Variants in COLEC10 observed in about 807,000 individuals in gnomAD.
COLEC10 encodes collectin-10.
In COLEC10, 22 loss-of-function variants were observed where a neutral mutation model predicts 28.4. That is an observed-to-expected ratio of 0.78 (90% CI 0.55 to 1.11). COLEC10 has a LOEUF of 1.11. Among genes scored for constraint, COLEC10 ranks in the 50% least tolerant of loss-of-function variants. COLEC10 has a pLI of 0.00. For missense variants in COLEC10, 361 were observed against 344.1 expected (o/e 1.05, Z -0.39); for synonymous variants, 125 against 116.1 (o/e 1.08, Z -0.49).
intron 2 of COLEC10, among the ~76,000 whole-genome samples, chr8:119,021,620 C>T (rs929340580): frequency 6.6e-6 from 1 of 152,150 alleles, no homozygotes; most frequent in Non-Finnish European, 1.5e-5. Flanking sequence ...CTGAGCAACA[C>T]CACTTTTTGC....
intron 2 of COLEC10, among the ~76,000 whole-genome samples, chr8:119,043,484 C>T (rs539877436): frequency 1.3e-5 from 2 of 152,198 alleles, no homozygotes; most frequent in African/African-American, 4.8e-5. Context: ...GTATCCAAAA[C>T]TGTAGAGTTT....
intron 5 of COLEC10, among the ~76,000 whole-genome samples, chr8:119,105,320 T>C (rs1815914854): frequency 6.6e-6 from 1 of 152,152 alleles, no homozygotes. Context: ...GTGACTGCCA[T>C]GTCTATCCAA....
At chr8:119,069,831 T>C (rs944408746) in intron 1 of COLEC10, among the ~76,000 whole-genome samples, 6 of 151,530 alleles carry the variant, frequency 4.0e-5, no homozygotes, top group African/African-American at 2.4e-5. Flanking sequence ...TCAATATTTT[T>C]CCCCTAAGAT....
intron 2 of COLEC10, among the ~76,000 whole-genome samples, chr8:119,039,392 C>A (rs1428603516): frequency 6.6e-6 from 1 of 152,188 alleles, no homozygotes; most frequent in Non-Finnish European, 1.5e-5. Flanking sequence ...TTATTTAACT[C>A]TGTCTTCCTC....
upstream of COLEC10, among the ~76,000 whole-genome samples, chr8:119,064,193 AAAT>A (rs1814909550): frequency 6.6e-6 from 1 of 152,200 alleles, no homozygotes; most frequent in Non-Finnish European, 1.5e-5. Context: ...TTTTAAAATT[AAAT>A]AATGTTTTAT....
At chr8:119,032,725 C>G (rs1225733870) in intron 2 of COLEC10, among the ~76,000 whole-genome samples, 1 of 152,136 alleles carries the variant, frequency 6.6e-6, no homozygotes, top group African/African-American at 2.4e-5. Flanking sequence ...CACGGTGAAA[C>G]CCCATCTCTA....
In COLEC10 at chr8:119,014,509, G is replaced by C. The variant is rs1813954510; in HGVS notation, n.235+4956G>C. Among the ~76,000 whole-genome samples, 2 of 149,448 alleles carry C rather than the reference G, an allele frequency of 1.3e-5. 1 individual carries two copies. The stretch of plus-strand genomic sequence containing the variant: ...TCAAAATTTTTCTTCATCTTTTATT[G>C]TCTGAAGTTTGAATACAACATCCTA... On this transcript the variant is annotated intron_variant and non_coding_transcript_variant, in intron 2 of 6. Transcript: ENST00000521788.
rs996393542 is a variant in COLEC10 at position 119,061,053 on chromosome 8, CTG to C, written n.236-28626_236-28625del. On this transcript the variant is annotated intron_variant and non_coding_transcript_variant, in intron 2 of 6. Transcript: ENST00000521788. ...TATAAAGGAAGAAAAATTAGAAAGA[CTG>C]AGATATAATAGGTGCTCAATAAACA... is the stretch of plus-strand genomic sequence containing the variant. Among the ~76,000 whole-genome samples the C allele has an allele frequency of 5.1e-4, 78 of 152,006 alleles. 1 individual carries two copies. The highest frequency in any genetic ancestry group is 1.7e-3 in the African/African-American group (71 of 41,512).
intron 2 of COLEC10, among the ~76,000 whole-genome samples, chr8:119,040,573 T>C (rs989123935): frequency 2.6e-5 from 4 of 152,226 alleles, no homozygotes; most frequent in Non-Finnish European, 5.9e-5. Context: ...ATGGATATAC[T>C]GTGCTCTCCT....
chr8:119,098,909 G>A (rs551189902), intron 3 of COLEC10, among the ~76,000 whole-genome samples: 3 of 152,004 alleles, frequency 2.0e-5, no homozygotes, highest in South Asian at 4.2e-4. Context: ...CCTCATTTTG[G>A]TGATTGTCTT....
At chr8:118,984,170 C>T in the COLEC10 span, among the ~76,000 whole-genome samples, 2 of 151,580 alleles carry the variant, frequency 1.3e-5, no homozygotes, top group African/African-American at 4.9e-5. Context: ...AAAATGAGAT[C>T]ATGTCCTTTG....
intron 1 of COLEC10, among the ~76,000 whole-genome samples, chr8:119,000,477 G>A (rs1485304): frequency 0.011 from 1,609 of 152,172 alleles, 29 homozygotes; most frequent in African/African-American, 0.036. Flanking sequence ...GCACAGAGGA[G>A]CTTAATCAGG....
At chr8:119,011,459 G>A (rs886900361) in intron 2 of COLEC10, among the ~76,000 whole-genome samples, 2 of 136,730 alleles carry the variant, frequency 1.5e-5, no homozygotes, top group Admixed American at 7.4e-5. Context: ...GACTATACTT[G>A]GTCATTTGCC....
At chr8:119,086,390 G>T (rs76109865) in intron 1 of COLEC10, among the ~76,000 whole-genome samples, 29 of 101,232 alleles carry the variant, frequency 2.9e-4, no homozygotes, top group African/African-American at 8.7e-4. Flanking sequence ...GCGGGGAGGT[G>T]GGGGGGGTCC....
In COLEC10 at chr8:119,091,205, C is replaced by A; in HGVS notation, c.277C>A (p.Pro93Thr). 1 of 1,611,440 alleles carries A rather than the reference C, an allele frequency of 6.2e-7. No individual in the cohort carries two copies. Among genetic ancestry groups the A allele is most frequent in the Non-Finnish European group, 8.5e-7 (1 of 1,178,580 alleles). ...GDQGNIGKTGPIGKKGDKGEK... is the reference protein window; with the variant it reads ...GDQGNIGKTGTIGKKGDKGEK... ...TCAGGGCAATATTGGCAAGACTGGG[C>A]CCATTGGGAAGAAGGGTAAGTTGCA... is the stretch of plus-strand genomic sequence containing the variant. Residue 93 changes from proline to threonine, a missense_variant, in exon 3 of 6, where the codon CCC becomes ACC. Transcript: ENST00000332843.
the COLEC10 span, among the ~76,000 whole-genome samples, chr8:118,987,453 A>G: frequency 6.6e-6 from 1 of 152,194 alleles, no homozygotes; most frequent in African/African-American, 2.4e-5. Context: ...AATCCCAGCT[A>G]TTTGGGAGGC....
At chr8:118,970,758 CA>C in the COLEC10 span, among the ~76,000 whole-genome samples, 9 of 151,206 alleles carry the variant, frequency 6.0e-5, no homozygotes, top group African/African-American at 1.7e-4. Context: ...TTTGTCATAC[CA>C]ATAATGTAAT....
At chr8:119,044,085 G>A (rs1350623024) in intron 2 of COLEC10, among the ~76,000 whole-genome samples, 1 of 152,230 alleles carries the variant, frequency 6.6e-6, no homozygotes, top group East Asian at 1.9e-4. Flanking sequence ...AAGCTAGAGA[G>A]ACCACGTGTC....
intron 3 of COLEC10, among the ~76,000 whole-genome samples, chr8:119,098,796 A>G (rs149360769): frequency 0.012 from 1,821 of 152,178 alleles, 36 homozygotes; most frequent in South Asian, 0.023. Context: ...GAGATATGCC[A>G]TCAAATTTAT....
Sources: gnomAD v4.1 joint callset for allele counts (sites outside exome capture counted in the v4.1 genomes callset) on GRCh38, gnomAD v4.1.1 for gene constraint, MANE v1.5 for transcripts, NCBI Gene and HGNC (gene_info 2026-07-23, HGNC 2026-07-21) for gene names.